VIPR2: variants seen among roughly 807,000 people sequenced by gnomAD.
VIPR2 encodes the protein vasoactive intestinal peptide receptor 2, also known as vasoactive intestinal polypeptide receptor 2.
Under a neutral mutation model 58.0 loss-of-function variants are expected in VIPR2, and 48 were observed. That is an observed-to-expected ratio of 0.83 (90% CI 0.66 to 1.05). The LOEUF (loss-of-function observed/expected upper bound fraction) is 1.05, where lower values mean the gene tolerates loss of function less well. Among genes scored for constraint, VIPR2 ranks in the 50% least tolerant of loss-of-function variants. The pLI, the probability that VIPR2 is intolerant of heterozygous loss-of-function variation, is 0.00. For missense variants in VIPR2, 534 were observed against 558.0 expected, an observed-to-expected ratio of 0.96 and a Z score of 0.43; for synonymous variants, 243 against 235.2, an observed-to-expected ratio of 1.03 and a Z score of -0.30.
At chr7:159,113,794 G>A (rs1185412651) in intron 2 of VIPR2, among the ~76,000 whole-genome samples, 2 of 152,200 alleles carry the variant, frequency 1.3e-5, no homozygotes, top group Admixed American at 6.5e-5. Flanking sequence ...TGGTGGGAAT[G>A]GCACAGGAGA....
At chr7:159,035,835 T>C (rs1446799786) in intron 8 of VIPR2, 117 bp downstream of exon 8, 22 of 1,456,282 alleles carry the variant, frequency 1.5e-5, no homozygotes, top group African/African-American at 5.7e-5. Flanking sequence ...TGGCTGTCGG[T>C]TGGCCGCAAA....
At chr7:159,084,628 G>A (rs1017451992) in intron 4 of VIPR2, among the ~76,000 whole-genome samples, 18 of 152,240 alleles carry the variant, frequency 1.2e-4, no homozygotes, top group African/African-American at 3.9e-4. Flanking sequence ...CCCTGGCGGC[G>A]TGGCCTCACG....
chr7:159,112,748 C>T (rs1796079679), intron 2 of VIPR2, among the ~76,000 whole-genome samples: 1 of 135,778 alleles, frequency 7.4e-6, no homozygotes. Flanking sequence ...TGGGACCGAC[C>T]CTGACTGTGA....
At chr7:159,047,828 C>T (rs1277000937) in intron 5 of VIPR2, among the ~76,000 whole-genome samples, 3 of 152,132 alleles carry the variant, frequency 2.0e-5, no homozygotes, top group Non-Finnish European at 4.4e-5. Flanking sequence ...AAGAATTTTA[C>T]AATATTCACT....
intron 4 of VIPR2, among the ~76,000 whole-genome samples, chr7:159,072,718 T>G (rs888596229): frequency 1.3e-5 from 2 of 152,208 alleles, no homozygotes; most frequent in African/African-American, 4.8e-5. Context: ...AAATATTTAT[T>G]AAGGAGAGTA....
At chr7:159,039,865 G>A (rs2129493253) in intron 6 of VIPR2, among the ~76,000 whole-genome samples, 1 of 152,292 alleles carries the variant, frequency 6.6e-6, no homozygotes, top group Admixed American at 6.5e-5. Context: ...GATGCCTGCA[G>A]CGGCAAAAGA....
Position 159,030,569 on chromosome 7 carries a change from G to C in VIPR2, c.*47C>G. The C allele has an allele frequency of 6.7e-7, 1 of 1,489,922 alleles. No individual in the cohort carries two copies. The highest frequency in any genetic ancestry group is 1.4e-5 in the South Asian group (1 of 73,974). The allele number at this position is 1,489,922 out of a possible 1,614,324, so 92.3% of individuals were successfully genotyped here. On this transcript the variant is annotated 3_prime_UTR_variant, in exon 13 of 13. Coordinates refer to ENST00000262178, the MANE Select transcript of VIPR2 (RefSeq NM_003382.5). ...AAGCCGGCGTCTCAGCCCCGCAGAAGCCCCGAACCGTGGGCCTCCCGCCGC... is the reference window on the plus strand; with the variant it reads ...AAGCCGGCGTCTCAGCCCCGCAGAACCCCCGAACCGTGGGCCTCCCGCCGC...
chr7:159,063,863 C>CTGGTGGGGTCT (rs1855901585), intron 4 of VIPR2, among the ~76,000 whole-genome samples: 1 of 24,664 alleles, frequency 4.1e-5, no homozygotes, highest in Non-Finnish European at 7.3e-5. Flanking sequence ...TGGTGGGTTC[C>CTGGTGGGGTCT]GGGGGTCCTG....
At chr7:159,130,230 G>T (rs527395272) in intron 2 of VIPR2, among the ~76,000 whole-genome samples, 2 of 152,190 alleles carry the variant, frequency 1.3e-5, no homozygotes, top group African/African-American at 4.8e-5. Flanking sequence ...AGACTTTTAG[G>T]TTATGGTTTA....
Position 159,093,404 on chromosome 7 carries a change from C to T in VIPR2, c.357+10353G>A, listed in dbSNP as rs1385525898. ...AGAAGTCAGGGCAGGCACCGCGGCTCCACGCTTACTTTCGAGGGTGCTGGC... is the reference window on the plus strand; with the variant it reads ...AGAAGTCAGGGCAGGCACCGCGGCTTCACGCTTACTTTCGAGGGTGCTGGC... On this transcript the variant is annotated intron_variant, in intron 4 of 12. Transcript: ENST00000262178. This position sits in a 1 kb window ranked among gnomAD's most constrained non-coding sequence, Gnocchi z 6.7. Among the ~76,000 whole-genome samples, 2 of 152,216 alleles carry T rather than the reference C, an allele frequency of 1.3e-5. No homozygotes were observed. Among genetic ancestry groups the T allele is most frequent in the African/African-American group, 4.8e-5 (2 of 41,464 alleles).
At chr7:159,139,794 C>T (rs1356929807) in intron 2 of VIPR2, among the ~76,000 whole-genome samples, 6 of 152,234 alleles carry the variant, frequency 3.9e-5, no homozygotes, top group Non-Finnish European at 8.8e-5. Flanking sequence ...TAAAGTCACA[C>T]GAAAGTTCCT....
At chr7:159,101,857 C>T (rs570693330) in intron 4 of VIPR2, among the ~76,000 whole-genome samples, 2 of 135,848 alleles carry the variant, frequency 1.5e-5, no homozygotes, top group African/African-American at 2.9e-5. Flanking sequence ...CGAGATCCGA[C>T]GAGGCGGTTC....
intron 2 of VIPR2, among the ~76,000 whole-genome samples, chr7:159,113,273 C>T (rs1796109532): frequency 6.6e-6 from 1 of 151,976 alleles, no homozygotes; most frequent in Non-Finnish European, 1.5e-5. Context: ...TATAGAAAGA[C>T]ACTGTGAAAC....
intron 3 of VIPR2, 77 bp downstream of exon 3, chr7:159,109,735 G>A (rs954896505): frequency 9.5e-6 from 13 of 1,372,874 alleles, no homozygotes; most frequent in East Asian, 4.6e-5. Context: ...TGATGTTCCT[G>A]CTTCTTGGAT....
intron 5 of VIPR2, 102 bp downstream of exon 5, chr7:159,058,379 T>C: frequency 1.1e-6 from 1 of 901,080 alleles, no homozygotes; most frequent in South Asian, 1.4e-5. Context: ...TCTTATTGGC[T>C]TAGCACACAG....
Position 159,098,179 on chromosome 7 carries a change from T to C in VIPR2, c.357+5578A>G, listed in dbSNP as rs1438988917. Among the ~76,000 whole-genome samples the C allele has an allele frequency of 6.6e-6, 1 of 151,792 alleles. No homozygotes were observed. Among genetic ancestry groups the C allele is most frequent in the Non-Finnish European group, 1.5e-5 (1 of 67,960 alleles). Reference sequence around the variant, plus strand: ...GCCCCCATCCATCAGCACAGAAGAGTTGTGATGGGATGAAGGGCAGGGCAG... The same window carrying C: ...GCCCCCATCCATCAGCACAGAAGAGCTGTGATGGGATGAAGGGCAGGGCAG... On this transcript the variant is annotated intron_variant, in intron 4 of 12. Coordinates refer to ENST00000262178, the MANE Select transcript of VIPR2 (RefSeq NM_003382.5). The surrounding 1 kb of genome is among the most constrained non-coding windows in gnomAD (Gnocchi z 5.2).
chr7:159,107,194 C>T (rs1795787045), intron 3 of VIPR2, among the ~76,000 whole-genome samples: 1 of 152,202 alleles, frequency 6.6e-6, no homozygotes, highest in Non-Finnish European at 1.5e-5. Context: ...TGGCCCTACA[C>T]CTGTGCTGGA....
In VIPR2 at chr7:159,032,046, G is replaced by C; in HGVS notation, c.993C>G (p.Leu331=). Reference sequence around the variant, plus strand: ...GGACGCCGAACAGCGGGATAAGCAGGAGCGTGGACTTGGCCAGCCTCCTGC... The same window carrying C: ...GGACGCCGAACAGCGGGATAAGCAGCAGCGTGGACTTGGCCAGCCTCCTGC... ...SQYKRLAKST[L]LLIPLFGVHY... is the part of the protein sequence containing the mutation. Residue 331 remains leucine, a synonymous_variant, in exon 11 of 13, where the codon CTC becomes CTG. Transcript: ENST00000262178. The C allele has an allele frequency of 6.2e-7, 1 of 1,614,070 alleles. No homozygotes were observed. The highest frequency in any genetic ancestry group is 1.1e-5 in the South Asian group (1 of 91,060).
chr7:159,058,533 T>C lies in VIPR2; in HGVS notation c.403A>G (p.Ser135Gly), dbSNP rs751396455. 5 of 1,613,518 alleles carry C rather than the reference T, an allele frequency of 3.1e-6. No individual in the cohort carries two copies. Among genetic ancestry groups the C allele is most frequent in the East Asian group, 4.5e-5 (2 of 44,896 alleles). ...GTTGCAAGAGACATCAGAGAGACAC[T>C]GTAGCCCAGTGTATAAATGGCCTTC... ...LVKAIYTLGYSVSLMSLATGS... is the reference protein window; with the variant it reads ...LVKAIYTLGYGVSLMSLATGS... The change falls in exon 5 of 13, where the codon AGT becomes GGT. Residue 135 changes from serine to glycine, a missense_variant. Transcript: ENST00000262178.
Sources: allele counts gnomAD v4.1 joint callset (sites outside exome capture counted in the v4.1 genomes callset), GRCh38; gene constraint gnomAD v4.1.1; non-coding constraint Gnocchi (gnomAD v3.1); transcripts MANE v1.5; gene names NCBI Gene and HGNC (gene_info 2026-07-23, HGNC 2026-07-21).